Variants in ZMYM2 observed in about 807,000 individuals in gnomAD.
The protein encoded by ZMYM2 is zinc finger MYM-type protein 2.
In ZMYM2, 56 loss-of-function variants were observed where a neutral mutation model predicts 162.8. The ratio of observed to expected loss-of-function variants is 0.34; its 90% CI spans 0.28 to 0.43. The LOEUF is 0.43. ZMYM2 is among the 20% of genes least tolerant of loss of function. The pLI is 1.00. For missense variants in ZMYM2, 1,275 were observed against 1,621.8 expected, an observed-to-expected ratio of 0.79 and a Z score of 3.67; for synonymous variants, 510 against 541.6, an observed-to-expected ratio of 0.94 and a Z score of 0.81.
At chr13:20,059,987 T>C (rs1485510090) in intron 16 of ZMYM2, among the ~76,000 whole-genome samples, 1 of 152,134 alleles carries the variant, frequency 6.6e-6, no homozygotes, top group Non-Finnish European at 1.5e-5. Context: ...TGAGCCGTGA[T>C]TGCACCACTG....
chr13:19,899,709 C>T, the ZMYM2 span, among the ~76,000 whole-genome samples: 10 of 148,146 alleles, frequency 6.8e-5, no homozygotes, highest in Admixed American at 2.1e-4. Context: ...CCCAGCTACT[C>T]GGGAGGCTGA....
At chr13:19,921,162 C>A in the ZMYM2 span, among the ~76,000 whole-genome samples, 5 of 151,016 alleles carry the variant, frequency 3.3e-5, no homozygotes, top group Non-Finnish European at 5.9e-5. Context: ...TATTTTGAGA[C>A]GGAGTCTTGC....
At chr13:20,084,557 G>A (rs1054806332) in intron 24 of ZMYM2, among the ~76,000 whole-genome samples, 5 of 152,140 alleles carry the variant, frequency 3.3e-5, no homozygotes, top group Non-Finnish European at 5.9e-5. Context: ...CGGTGTAAAG[G>A]TATGCTCAAA....
chr13:20,052,297 C>T lies in ZMYM2; in HGVS notation c.2479C>T (p.Arg827Ter). 1 of 1,569,284 alleles carries T rather than the reference C, an allele frequency of 6.4e-7. No homozygotes were observed. ...TTTAGATCAGGGTTGTCAGACATCT[C>T]GAACCAAAATGACAGTAAGTATTGG... ...LHYDQGCQTSRTKMTGSAPPP... is the reference protein window; with the variant it reads ...LHYDQGCQTS The change falls in exon 14 of 25, where the codon CGA becomes TGA. Residue 827 changes from arginine (R) to a stop codon, truncating the protein, a stop_gained. Transcript: ENST00000610343. LOFTEE classifies it high-confidence loss of function.
the ZMYM2 span, among the ~76,000 whole-genome samples, chr13:19,896,391 G>A: frequency 1.9e-4 from 29 of 151,052 alleles, no homozygotes; most frequent in South Asian, 1.0e-3. Flanking sequence ...TGATCCGCCC[G>A]CCTCAGCCTC....
the ZMYM2 span, among the ~76,000 whole-genome samples, chr13:19,888,185 T>C: frequency 1.3e-5 from 2 of 151,562 alleles, no homozygotes; most frequent in African/African-American, 2.4e-5. Context: ...GGCTAAATTA[T>C]AGTTTTGGTT....
chr13:19,977,837 C>T (rs1566198693), intron 2 of ZMYM2, among the ~76,000 whole-genome samples: 1 of 150,398 alleles, frequency 6.6e-6, no homozygotes, highest in African/African-American at 2.4e-5. Flanking sequence ...AAATTTTTCT[C>T]TAGTGTACCA....
intron 2 of ZMYM2, among the ~76,000 whole-genome samples, chr13:19,970,335 G>A (rs748186321): frequency 2.0e-5 from 3 of 152,132 alleles, no homozygotes; most frequent in Non-Finnish European, 4.4e-5. Context: ...GATAGGGTAT[G>A]ATAACCTTTC....
At chr13:20,023,482 T>G (rs1449528142) in intron 7 of ZMYM2, among the ~76,000 whole-genome samples, 1 of 152,194 alleles carries the variant, frequency 6.6e-6, no homozygotes, top group Non-Finnish European at 1.5e-5. Context: ...CACGTGAAAT[T>G]GGTTAAAATT....
the ZMYM2 span, among the ~76,000 whole-genome samples, chr13:19,923,977 C>A: frequency 6.6e-6 from 1 of 152,066 alleles, no homozygotes; most frequent in African/African-American, 2.4e-5. Flanking sequence ...GGCCATGGGA[C>A]ATTTTTATGG....
chr13:20,022,809 C>T (rs1484283282), intron 7 of ZMYM2, among the ~76,000 whole-genome samples: 1 of 151,698 alleles, frequency 6.6e-6, no homozygotes, highest in East Asian at 1.9e-4. Flanking sequence ...GTTTTATTGC[C>T]ACTTCTTCTA....
the ZMYM2 span, among the ~76,000 whole-genome samples, chr13:19,943,352 A>G: frequency 1.3e-5 from 2 of 152,194 alleles, no homozygotes; most frequent in African/African-American, 4.8e-5. Flanking sequence ...ATTCCAAAGT[A>G]CTGGGAAATA....
chr13:20,063,048 G>T, intron 18 of ZMYM2, 77 bp downstream of exon 18: 1 of 1,441,238 alleles, frequency 6.9e-7, no homozygotes, highest in Non-Finnish European at 9.3e-7. Context: ...TTTGATGTTT[G>T]TGTCATTGCC....
intron 12 of ZMYM2, among the ~76,000 whole-genome samples, chr13:20,046,607 G>GTGTGTGTGTGTA (rs781273129): frequency 2.9e-4 from 30 of 104,364 alleles, no homozygotes; most frequent in South Asian, 1.3e-3. Flanking sequence ...GTGTGTGTGT[G>GTGTGTGTGTGTA]TATATATATG....
At chr13:20,044,981 C>T (rs972382935) in intron 12 of ZMYM2, among the ~76,000 whole-genome samples, 15 of 135,282 alleles carry the variant, frequency 1.1e-4, no homozygotes, top group Non-Finnish European at 2.1e-4. Flanking sequence ...ACCCGGGAGG[C>T]GGAGGTTGCA....
rs1336963362 is a variant in ZMYM2, at chr13:19,993,935, T to TA, written c.847+17dup. 2.5e-6 allele frequency: 4 copies of TA among 1,590,828 alleles called. No individual in the cohort carries two copies. The highest frequency in any genetic ancestry group is 2.6e-6 in the Non-Finnish European group (3 of 1,172,520). ...CATAATCCTGGTAAGCAGTAAGAGATACTCTACTTCATGTAAATGAATTTA... is the reference window on the plus strand; with the variant it reads ...CATAATCCTGGTAAGCAGTAAGAGATAACTCTACTTCATGTAAATGAATTTA... On this transcript the variant is annotated intron_variant, in intron 3 of 24. Transcript: ENST00000610343.
chr13:20,024,102 CTT>C (rs1204170737), intron 7 of ZMYM2, among the ~76,000 whole-genome samples: 2 of 151,618 alleles, frequency 1.3e-5, no homozygotes, highest in Non-Finnish European at 2.9e-5. Flanking sequence ...GCCTGGCTAA[CTT>C]TTGTATTTTT....
chr13:19,869,511 G>A, the ZMYM2 span, among the ~76,000 whole-genome samples: 3 of 152,124 alleles, frequency 2.0e-5, no homozygotes, highest in Admixed American at 6.6e-5. Context: ...GTACTGGCTG[G>A]GCGTGGTGGC....
chr13:19,926,527 C>T, the ZMYM2 span, among the ~76,000 whole-genome samples: 16 of 151,798 alleles, frequency 1.1e-4, no homozygotes, highest in East Asian at 1.4e-3. Flanking sequence ...CCAAGCCCAA[C>T]TAATTTTTGC....
Sources: gnomAD v4.1 joint callset for allele counts (sites outside exome capture counted in the v4.1 genomes callset) on GRCh38, gnomAD v4.1.1 for gene constraint, MANE v1.5 for transcripts, NCBI Gene and HGNC (gene_info 2026-07-23, HGNC 2026-07-21) for gene names.